Variants in SGMS1 observed in about 807,000 individuals in gnomAD.
SGMS1 encodes sphingomyelin synthase 1, also known as phosphatidylcholine:ceramide cholinephosphotransferase 1.
SGMS1 carries 13 observed loss-of-function variants against 46.2 expected under a neutral mutation model. That is an observed-to-expected ratio of 0.28 (90% CI 0.18 to 0.45). SGMS1 has a LOEUF of 0.45. Among genes scored for constraint, SGMS1 ranks in the 20% least tolerant of loss-of-function variants. The pLI is 1.00. For missense variants in SGMS1, 324 were observed against 519.9 expected, an observed-to-expected ratio of 0.62 and a Z score of 3.66; for synonymous variants, 203 against 187.8, an observed-to-expected ratio of 1.08 and a Z score of -0.66.
chr10:50,395,468 CTCCCA>C (rs1206512146), intron 6 of SGMS1, among the ~76,000 whole-genome samples: 1 of 152,158 alleles, frequency 6.6e-6, no homozygotes, highest in Non-Finnish European at 1.5e-5. Context: ...GGCAACTCTG[CTCCCA>C]TTAGTCAATA....
chr10:50,569,198 C>T (rs995319011), intron 2 of SGMS1, among the ~76,000 whole-genome samples: 10 of 149,958 alleles, frequency 6.7e-5, no homozygotes, highest in South Asian at 2.1e-4. Context: ...AAATACCTAA[C>T]GTAGATAACA....
intron 1 of SGMS1, among the ~76,000 whole-genome samples, chr10:50,602,723 G>T (rs1399207895): frequency 6.6e-6 from 1 of 152,162 alleles, no homozygotes; most frequent in Non-Finnish European, 1.5e-5. Context: ...CTGGAAGCTG[G>T]ATATATATGC....
intron 7 of SGMS1, among the ~76,000 whole-genome samples, chr10:50,333,359 C>T (rs1424381047): frequency 2.0e-5 from 3 of 152,192 alleles, no homozygotes; most frequent in African/African-American, 4.8e-5. Flanking sequence ...ATGTTTGTTG[C>T]TTAAACCCTT....
At chr10:50,577,062 T>C (rs1476793709) in intron 2 of SGMS1, among the ~76,000 whole-genome samples, 1 of 152,190 alleles carries the variant, frequency 6.6e-6, no homozygotes, top group Admixed American at 6.5e-5. Context: ...AGTTTTCCTT[T>C]TCATAAAAAA....
intron 1 of SGMS1, among the ~76,000 whole-genome samples, chr10:50,621,587 T>C (rs569253975): frequency 6.6e-6 from 1 of 152,346 alleles, no homozygotes; most frequent in Admixed American, 6.5e-5. Context: ...CTGTGCAAGA[T>C]GCTAGAAATC....
intron 2 of SGMS1, among the ~76,000 whole-genome samples, chr10:50,575,862 C>G (rs781423852): frequency 5.9e-5 from 9 of 152,084 alleles, no homozygotes; most frequent in Non-Finnish European, 1.3e-4. Context: ...TTAAGTTCCA[C>G]AGAAAATCAA....
At position 50,408,172 on chromosome 10, in the gene SGMS1, G is replaced by C. The variant is rs181581927; in HGVS notation, c.-232+25304C>G. 1.2e-4 allele frequency among the ~76,000 whole-genome samples: 19 copies of C among 152,248 alleles called. No individual in the cohort carries two copies. In the East Asian group the frequency reaches 3.7e-3, roughly 29 times the overall value. ...TATTGTATTGGACATCAAAGGTCTGGCATATGGTCCTCTGTAATCTGAGGA... is the reference window on the plus strand; with the variant it reads ...TATTGTATTGGACATCAAAGGTCTGCCATATGGTCCTCTGTAATCTGAGGA... On this transcript the variant is annotated intron_variant, in intron 6 of 10. Transcript: ENST00000361781.
rs140406622 is a variant in SGMS1, at chr10:50,484,439, G to A, written c.-497-17507C>T. The stretch of plus-strand genomic sequence containing the variant: ...CAATCAAACAAACCCAGGACCAGAC[G>A]GATTCACAGCTGAATCCTACCAGAG... On this transcript the variant is annotated intron_variant, in intron 3 of 10. Coordinates refer to ENST00000361781, the MANE Select transcript of SGMS1 (RefSeq NM_147156.4). Among the ~76,000 whole-genome samples the A allele has an allele frequency of 5.0e-3, 768 of 152,208 alleles. 9 individuals carry two copies. The highest frequency in any genetic ancestry group is 0.017 in the African/African-American group (721 of 41,552).
At chr10:50,408,519 T>C (rs1391548317) in intron 6 of SGMS1, among the ~76,000 whole-genome samples, 1 of 150,512 alleles carries the variant, frequency 6.6e-6, no homozygotes, top group Non-Finnish European at 1.5e-5. Flanking sequence ...CCATCTCTAC[T>C]AAAAATACAA....
chr10:50,519,253 G>A (rs1003324893), intron 3 of SGMS1, among the ~76,000 whole-genome samples: 9 of 152,080 alleles, frequency 5.9e-5, no homozygotes, highest in Admixed American at 5.9e-4. Flanking sequence ...TAGAATCAAC[G>A]ATAACACTAG....
chr10:50,471,244 G>A (rs1453327943), intron 3 of SGMS1, among the ~76,000 whole-genome samples: 1 of 152,188 alleles, frequency 6.6e-6, no homozygotes, highest in Non-Finnish European at 1.5e-5. Context: ...TAATGCTGCA[G>A]AAAAGAAGAG....
At chr10:50,469,942 T>G (rs1450600196) in intron 3 of SGMS1, among the ~76,000 whole-genome samples, 1 of 152,226 alleles carries the variant, frequency 6.6e-6, no homozygotes, top group African/African-American at 2.4e-5. Flanking sequence ...CTTTTAAAAC[T>G]TATTACTTCC....
At chr10:50,476,654 CT>C (rs1459198124) in intron 3 of SGMS1, among the ~76,000 whole-genome samples, 15 of 152,294 alleles carry the variant, frequency 9.8e-5, no homozygotes, top group African/African-American at 3.6e-4. Flanking sequence ...GGGAAAAATA[CT>C]TTTGTGGGCC....
chr10:50,387,898 C>T (rs544305898), intron 6 of SGMS1, among the ~76,000 whole-genome samples: 1 of 152,234 alleles, frequency 6.6e-6, no homozygotes, highest in South Asian at 2.1e-4. Context: ...TTAGTGTTTG[C>T]CTTATTTGAA....
chr10:50,488,019 T>TGA (rs1298015278), intron 3 of SGMS1, among the ~76,000 whole-genome samples: 17 of 150,722 alleles, frequency 1.1e-4, no homozygotes, highest in African/African-American at 4.1e-4. Flanking sequence ...ATTTATTTAT[T>TGA]TATTTATTTA....
intron 3 of SGMS1, among the ~76,000 whole-genome samples, chr10:50,496,039 C>T (rs964017148): frequency 2.6e-5 from 4 of 152,074 alleles, no homozygotes; most frequent in Non-Finnish European, 2.9e-5. Context: ...CCATACCTGT[C>T]GGTTTTCCTT....
chr10:50,308,245 G>C (rs762247121), intron 9 of SGMS1, 97 bp from the exon 10 acceptor site: 9 of 1,082,440 alleles, frequency 8.3e-6, no homozygotes, highest in Non-Finnish European at 1.2e-5. Context: ...CAATTACCTT[G>C]AGTCTTCCCT....
At chr10:50,547,908 A>C (rs1347373600) in intron 2 of SGMS1, among the ~76,000 whole-genome samples, 1 of 152,234 alleles carries the variant, frequency 6.6e-6, no homozygotes, top group Non-Finnish European at 1.5e-5. Context: ...CAATAAATGC[A>C]ATTCATCACA....
At chr10:50,315,695 G>C (rs192274563) in intron 8 of SGMS1, among the ~76,000 whole-genome samples, 24 of 152,280 alleles carry the variant, frequency 1.6e-4, no homozygotes, top group African/African-American at 5.8e-4. Flanking sequence ...CCTATCAGTA[G>C]CTTTTGAATG....
Sources: gnomAD v4.1 joint callset for allele counts (sites outside exome capture counted in the v4.1 genomes callset) on GRCh38, gnomAD v4.1.1 for gene constraint, MANE v1.5 for transcripts, NCBI Gene and HGNC (gene_info 2026-07-23, HGNC 2026-07-21) for gene names.